Variants in CTNNA2 observed in about 807,000 individuals in gnomAD.
CTNNA2 encodes catenin alpha-2.
CTNNA2 carries 42 observed loss-of-function variants against 101.0 expected under a neutral mutation model. The ratio of observed to expected loss-of-function variants is 0.42; its 90% CI spans 0.32 to 0.54. The LOEUF is 0.54. Among genes scored for constraint, CTNNA2 ranks in the 20% least tolerant of loss-of-function variants. The pLI is 0.14. For missense variants in CTNNA2, 871 were observed against 1,223.1 expected, an observed-to-expected ratio of 0.71 and a Z score of 4.29; for synonymous variants, 450 against 456.4, an observed-to-expected ratio of 0.99 and a Z score of 0.18.
chr2:79,286,144 G>C (rs1220057777), intron 2 of CTNNA2, among the ~76,000 whole-genome samples: 1 of 152,088 alleles, frequency 6.6e-6, no homozygotes, highest in Non-Finnish European at 1.5e-5. Flanking sequence ...GAGCCTGTGT[G>C]TGTCTCTGCA....
At chr2:79,405,499 T>A (rs1678331885) in intron 4 of CTNNA2, among the ~76,000 whole-genome samples, 1 of 151,910 alleles carries the variant, frequency 6.6e-6, no homozygotes, top group Admixed American at 6.6e-5. Context: ...CTAATTTTTG[T>A]ATTTGTATTA....
At chr2:80,187,714 G>A (rs1283240043) in intron 7 of CTNNA2, among the ~76,000 whole-genome samples, 1 of 152,076 alleles carries the variant, frequency 6.6e-6, no homozygotes, top group Non-Finnish European at 1.5e-5. Flanking sequence ...GAGAAAGAGG[G>A]GCAGATGGTT....
intron 2 of CTNNA2, among the ~76,000 whole-genome samples, chr2:79,240,228 TA>T (rs1674609821): frequency 6.6e-6 from 1 of 150,454 alleles, no homozygotes; most frequent in African/African-American, 2.5e-5. Flanking sequence ...TTTTTTTTTT[TA>T]AACTTTTAAT....
At chr2:80,034,349 TTTTTC>T (rs1216909854) in intron 7 of CTNNA2, among the ~76,000 whole-genome samples, 2 of 90,178 alleles carry the variant, frequency 2.2e-5, no homozygotes, top group African/African-American at 3.4e-5. Flanking sequence ...ATTTCATTTT[TTTTTC>T]TTTTTTTTTT....
intron 4 of CTNNA2, among the ~76,000 whole-genome samples, chr2:79,380,495 C>T (rs1678027113): frequency 6.6e-6 from 1 of 152,156 alleles, no homozygotes; most frequent in South Asian, 2.1e-4. Flanking sequence ...TCACACAGCA[C>T]AGAACATATG....
chr2:79,761,252 G>A (rs974093514), intron 3 of CTNNA2, among the ~76,000 whole-genome samples: 2 of 151,952 alleles, frequency 1.3e-5, no homozygotes, highest in Non-Finnish European at 2.9e-5. Flanking sequence ...ATTTCAGTGC[G>A]TGTGACCATA....
At chr2:79,907,288 A>G (rs1685486103) in intron 6 of CTNNA2, among the ~76,000 whole-genome samples, 3 of 152,192 alleles carry the variant, frequency 2.0e-5, no homozygotes, top group East Asian at 1.9e-4. Flanking sequence ...TATTTCTTCA[A>G]TTAGAATATT....
chr2:80,395,228 T>G (rs368066880), intron 8 of CTNNA2, among the ~76,000 whole-genome samples: 1 of 151,980 alleles, frequency 6.6e-6, no homozygotes, highest in Non-Finnish European at 1.5e-5. Flanking sequence ...GTGGAAGGAG[T>G]GTGTCCTTCC....
chr2:79,429,285 GT>G (rs1678626269), intron 4 of CTNNA2, among the ~76,000 whole-genome samples: 1 of 151,902 alleles, frequency 6.6e-6, no homozygotes. Context: ...GATTTCCCCA[GT>G]TTTTAGGTCT....
chr2:79,526,664 A>G (rs1672422156), intron 1 of CTNNA2, among the ~76,000 whole-genome samples: 1 of 152,118 alleles, frequency 6.6e-6, no homozygotes, highest in Admixed American at 6.6e-5. Flanking sequence ...ATTCCGAAAT[A>G]AACCCATATA....
intron 4 of CTNNA2, among the ~76,000 whole-genome samples, chr2:79,502,551 G>A (rs181917490): frequency 6.4e-4 from 97 of 152,296 alleles, no homozygotes; most frequent in African/African-American, 2.2e-3. Context: ...TTGAGGTGGT[G>A]AATATGAATA....
chr2:79,223,537 C>T lies in CTNNA2; in HGVS notation c.-406+25461C>T, dbSNP rs1048036680. On this transcript the variant is annotated intron_variant, in intron 2 of 21. Coordinates refer to the CTNNA2 transcript ENST00000466387. Reference sequence around the variant, plus strand: ...AGTTACTGAGCATAGTTCAATTTCTCTCATCAGTCTATTTTCAGTAGGCAC... The same window carrying T: ...AGTTACTGAGCATAGTTCAATTTCTTTCATCAGTCTATTTTCAGTAGGCAC... 1.3e-5 allele frequency among the ~76,000 whole-genome samples: 2 copies of T among 152,098 alleles called. 1 individual carries two copies. The highest frequency in any genetic ancestry group is 2.9e-5 in the Non-Finnish European group (2 of 68,036).
chr2:79,815,358 A>G (rs1677402791), intron 3 of CTNNA2, among the ~76,000 whole-genome samples: 1 of 152,142 alleles, frequency 6.6e-6, no homozygotes, highest in South Asian at 2.1e-4. Flanking sequence ...GCCAATGTCT[A>G]GGAGGGTTTT....
intron 4 of CTNNA2, among the ~76,000 whole-genome samples, chr2:79,440,953 A>G (rs1263005337): frequency 2.0e-5 from 3 of 152,132 alleles, no homozygotes; most frequent in African/African-American, 7.2e-5. Context: ...CACTTTGCCA[A>G]AATACAAACT....
chr2:79,680,938 C>G lies in CTNNA2; in HGVS notation c.102+29280C>G, dbSNP rs532114553. 3.3e-5 allele frequency among the ~76,000 whole-genome samples: 5 copies of G among 152,260 alleles called. No homozygotes were observed. In the East Asian group the frequency reaches 9.7e-4, roughly 29 times the overall value. On this transcript the variant is annotated intron_variant, in intron 2 of 18. Coordinates refer to ENST00000402739, the MANE Select transcript of CTNNA2 (RefSeq NM_001282597.3). Reference sequence around the variant, plus strand: ...CCTTAGCCACCGTGGAACTTCAGGACAGCAACAGGAGACTGAAGGAACCAT... The same window carrying G: ...CCTTAGCCACCGTGGAACTTCAGGAGAGCAACAGGAGACTGAAGGAACCAT...
At chr2:80,039,544 G>A (rs1024774938) in intron 7 of CTNNA2, among the ~76,000 whole-genome samples, 4 of 152,198 alleles carry the variant, frequency 2.6e-5, no homozygotes, top group Non-Finnish European at 5.9e-5. Context: ...GCCTAAAAGA[G>A]CAGGGACCCA....
chr2:79,400,536 C>A (rs1225780942), intron 4 of CTNNA2, among the ~76,000 whole-genome samples: 1 of 151,688 alleles, frequency 6.6e-6, no homozygotes, highest in African/African-American at 2.4e-5. Flanking sequence ...GCTGCAGATG[C>A]GAACTGTCGA....
At chr2:79,374,518 A>T (rs370179875) in intron 4 of CTNNA2, among the ~76,000 whole-genome samples, 1 of 89,240 alleles carries the variant, frequency 1.1e-5, no homozygotes, top group South Asian at 3.6e-4. Context: ...TAATATATAT[A>T]TATTTTTCTA....
In CTNNA2 at chr2:80,647,863, T is replaced by C; in HGVS notation, c.2853T>C (p.Asp951=). The stretch of plus-strand genomic sequence containing the variant: ...CTTTAAGTGAATTCAAAGCAATGGA[T>C]TCCTTCTAGGACGATAGGTTTTAAC... ...VQALSEFKAM[D]SF The change falls in exon 19 of 19, where the codon GAT becomes GAC. Residue 951 remains aspartate (D), a synonymous_variant. Transcript: ENST00000402739. 6.2e-7 allele frequency: 1 copy of C among 1,602,680 alleles called. No homozygotes were observed. The highest frequency in any genetic ancestry group is 1.1e-5 in the South Asian group (1 of 89,824).
Sources: gnomAD v4.1 joint callset for allele counts (sites outside exome capture counted in the v4.1 genomes callset) on GRCh38, gnomAD v4.1.1 for gene constraint, MANE v1.5 for transcripts, NCBI Gene and HGNC (gene_info 2026-07-23, HGNC 2026-07-21) for gene names.